ROR1: variants seen among roughly 807,000 people sequenced by gnomAD.
ROR1 encodes ROR family WNT receptor 1, also known as inactive tyrosine-protein kinase transmembrane receptor ROR1.
A neutral mutation model predicts 78.8 loss-of-function variants in ROR1; 19 were observed. That is an observed-to-expected ratio of 0.24 (90% confidence interval 0.17 to 0.35). The LOEUF (loss-of-function observed/expected upper bound fraction) is 0.35, where lower values mean the gene tolerates loss of function less well. Among genes scored for constraint, ROR1 ranks in the 10% least tolerant of loss-of-function variants. The pLI is 1.00. For missense variants in ROR1, 917 were observed against 1,177.8 expected (o/e 0.78, Z 3.24); for synonymous variants, 386 against 433.6 (o/e 0.89, Z 1.36).
At chr1:64,086,467 T>C (rs1569717318) in intron 4 of ROR1, among the ~76,000 whole-genome samples, 1 of 152,232 alleles carries the variant, frequency 6.6e-6, no homozygotes, top group Admixed American at 6.5e-5. Flanking sequence ...CTGACAATGT[T>C]CCTGCCATCA....
At chr1:64,007,494 A>G (rs1217744007) in intron 1 of ROR1, among the ~76,000 whole-genome samples, 3 of 151,954 alleles carry the variant, frequency 2.0e-5, no homozygotes, top group African/African-American at 7.3e-5. Context: ...AAGAACAACA[A>G]CCAAGATTAT....
chr1:64,008,466 G>A (rs1646447867), intron 1 of ROR1, among the ~76,000 whole-genome samples: 2 of 151,980 alleles, frequency 1.3e-5, no homozygotes, highest in African/African-American at 4.8e-5. Context: ...TATTTTCTTT[G>A]GGGTATATAC....
At chr1:64,023,019 C>T (rs1646577346) in intron 2 of ROR1, among the ~76,000 whole-genome samples, 1 of 152,136 alleles carries the variant, frequency 6.6e-6, no homozygotes, top group South Asian at 2.1e-4. Context: ...ATAATGCGAT[C>T]ATCTATTGAA....
At chr1:64,002,131 C>A (rs1646388816) in intron 1 of ROR1, among the ~76,000 whole-genome samples, 1 of 105,986 alleles carries the variant, frequency 9.4e-6, no homozygotes, top group African/African-American at 3.2e-5. Context: ...CCAGTTCAAC[C>A]TTTTTTTTTT....
intron 1 of ROR1, among the ~76,000 whole-genome samples, chr1:63,782,553 T>G (rs964133261): frequency 8.3e-5 from 11 of 131,952 alleles, no homozygotes; most frequent in Non-Finnish European, 1.5e-4. Context: ...GGTTTTTTTT[T>G]TTTGTTTTTT....
intron 1 of ROR1, among the ~76,000 whole-genome samples, chr1:63,815,472 TC>T (rs67379566): frequency 3.1e-5 from 4 of 131,132 alleles, no homozygotes; most frequent in African/African-American, 1.8e-4. Flanking sequence ...TCTTTTCTTT[TC>T]TTTTCTTTTT....
At chr1:64,002,711 A>G (rs1646395196) in intron 1 of ROR1, among the ~76,000 whole-genome samples, 1 of 152,184 alleles carries the variant, frequency 6.6e-6, no homozygotes, top group African/African-American at 2.4e-5. Context: ...AAAGAGGAAA[A>G]AAAAAGGCAT....
In ROR1 at chr1:64,071,801, T is replaced by C. The variant is rs76661704; in HGVS notation, c.482+21085T>C. Among the ~76,000 whole-genome samples, 679 of 152,318 alleles carry C rather than the reference T, an allele frequency of 4.5e-3. 18 individuals carry two copies. In the East Asian group the frequency reaches 0.078, roughly 17 times the overall value. On this transcript the variant is annotated intron_variant, in intron 4 of 8. Coordinates refer to ENST00000371079, the MANE Select transcript of ROR1 (RefSeq NM_005012.4). The stretch of plus-strand genomic sequence containing the variant: ...TAATCTTGGTCTCTTAGAATAGCTA[T>C]AGCCTTCAGCAATGATGGAGAAGCA...
chr1:63,838,187 A>G (rs979208586), intron 1 of ROR1, among the ~76,000 whole-genome samples: 2 of 152,134 alleles, frequency 1.3e-5, no homozygotes, highest in Non-Finnish European at 2.9e-5. Flanking sequence ...ATAAACAACT[A>G]TGTTAGTGGT....
At chr1:63,797,542 G>A (rs1182432772) in intron 1 of ROR1, among the ~76,000 whole-genome samples, 2 of 152,168 alleles carry the variant, frequency 1.3e-5, no homozygotes, top group Non-Finnish European at 2.9e-5. Context: ...GCCCAGCAAG[G>A]GAAGGGAACT....
chr1:64,014,773 T>TATATACACAC lies in ROR1; in HGVS notation c.163+5398_163+5399insTATACACACA, dbSNP rs71056017. ...ATATATATATATATATATATATATA[T>TATATACACAC]ACACATTTTGTCCTGGTTTGCCTTT... On this transcript the variant is annotated intron_variant, in intron 2 of 8. Coordinates refer to ENST00000371079, the MANE Select transcript of ROR1 (RefSeq NM_005012.4). Among the ~76,000 whole-genome samples the TATATACACAC allele has an allele frequency of 1.8e-3, 84 of 46,974 alleles. 10 individuals are homozygous for TATATACACAC. Among genetic ancestry groups the TATATACACAC allele is most frequent in the Non-Finnish European group, 3.2e-3 (70 of 21,576 alleles). 30.8% of individuals were successfully genotyped at this position (46,974 alleles called of 152,430 possible).
intron 4 of ROR1, among the ~76,000 whole-genome samples, chr1:64,096,412 C>T (rs370024729): frequency 3.5e-4 from 53 of 152,164 alleles, no homozygotes; most frequent in Middle Eastern, 3.4e-3. Context: ...CCAATAGGCC[C>T]CACTGTGTGT....
intron 1 of ROR1, among the ~76,000 whole-genome samples, chr1:63,804,573 C>T (rs1237543376): frequency 6.6e-6 from 1 of 152,130 alleles, no homozygotes; most frequent in East Asian, 1.9e-4. Flanking sequence ...TGAGGATGAG[C>T]GTGGACATCT....
intron 1 of ROR1, among the ~76,000 whole-genome samples, chr1:63,845,343 T>G (rs1645074185): frequency 6.6e-6 from 1 of 152,062 alleles, no homozygotes; most frequent in Non-Finnish European, 1.5e-5. Flanking sequence ...AACTTTGAAA[T>G]AAAAACTGAA....
At chr1:64,021,766 G>C (rs1274975971) in intron 2 of ROR1, among the ~76,000 whole-genome samples, 1 of 152,126 alleles carries the variant, frequency 6.6e-6, no homozygotes, top group African/African-American at 2.4e-5. Context: ...GGATATTCTT[G>C]ATTACCCTTA....
intron 1 of ROR1, among the ~76,000 whole-genome samples, chr1:63,847,189 G>A (rs772607645): frequency 2.0e-5 from 3 of 152,174 alleles, no homozygotes; most frequent in South Asian, 4.1e-4. Context: ...TGCTGGCTCC[G>A]TGCCTTGGTG....
intron 4 of ROR1, among the ~76,000 whole-genome samples, chr1:64,078,907 G>T (rs1388323755): frequency 2.0e-5 from 3 of 152,136 alleles, no homozygotes; most frequent in Non-Finnish European, 4.4e-5. Context: ...CGATGATGAG[G>T]TGCTGATAAC....
At chr1:63,959,754 T>C (rs1450193667) in intron 1 of ROR1, among the ~76,000 whole-genome samples, 1 of 152,150 alleles carries the variant, frequency 6.6e-6, no homozygotes, top group African/African-American at 2.4e-5. Flanking sequence ...CCATTCCAGC[T>C]CCAGTTCCCA....
At chr1:63,874,094 C>A (rs893041669) in intron 1 of ROR1, among the ~76,000 whole-genome samples, 9 of 152,084 alleles carry the variant, frequency 5.9e-5, no homozygotes, top group Non-Finnish European at 1.0e-4. Context: ...AAGATACTCT[C>A]TAAGTACAAG....
Sources: gnomAD v4.1 joint callset for allele counts (sites outside exome capture counted in the v4.1 genomes callset) on GRCh38, gnomAD v4.1.1 for gene constraint, MANE v1.5 for transcripts, NCBI Gene and HGNC (gene_info 2026-07-23, HGNC 2026-07-21) for gene names.